The following CTNNA2 variants were observed in gnomAD, a reference collection of about 807,000 sequenced individuals.
CTNNA2 encodes catenin alpha 2.
Under a neutral mutation model 101.0 loss-of-function variants are expected in CTNNA2, and 42 were observed. The ratio of observed to expected loss-of-function variants is 0.42; its 90% CI spans 0.32 to 0.54. The LOEUF is 0.54. CTNNA2 is among the 20% of genes least tolerant of loss of function. CTNNA2 has a pLI of 0.14. For synonymous variants in CTNNA2, 450 were observed against 456.4 expected (o/e 0.99, Z 0.18); for missense variants, 871 against 1,223.1 (o/e 0.71, Z 4.29).
chr2:80,150,054 A>G (rs1246636184), intron 7 of CTNNA2, among the ~76,000 whole-genome samples: 1 of 152,094 alleles, frequency 6.6e-6, no homozygotes, highest in Non-Finnish European at 1.5e-5. Flanking sequence ...CCCTCTGCAC[A>G]TCTTCTCAGG....
intron 7 of CTNNA2, among the ~76,000 whole-genome samples, chr2:80,136,656 G>A (rs2148902670): frequency 6.6e-6 from 1 of 152,102 alleles, no homozygotes; most frequent in South Asian, 2.1e-4. Context: ...CCTTTCTTTG[G>A]TGACTTTCTT....
At chr2:80,213,718 T>A (rs1708060028) in intron 7 of CTNNA2, among the ~76,000 whole-genome samples, 1 of 152,210 alleles carries the variant, frequency 6.6e-6, no homozygotes, top group Non-Finnish European at 1.5e-5. Context: ...GTTCTATAGA[T>A]GTCTATTAGG....
At chr2:80,540,267 A>C (rs574612117) in intron 9 of CTNNA2, among the ~76,000 whole-genome samples, 2 of 152,276 alleles carry the variant, frequency 1.3e-5, no homozygotes, top group Non-Finnish European at 2.9e-5. Context: ...TGATGTTGTA[A>C]CAGATATCTA....
At chr2:79,383,664 C>T (rs1379600580) in intron 4 of CTNNA2, among the ~76,000 whole-genome samples, 1 of 152,132 alleles carries the variant, frequency 6.6e-6, no homozygotes, top group Non-Finnish European at 1.5e-5. Flanking sequence ...ATGCCGAGCC[C>T]TAGGTGGTTT....
At chr2:80,524,217 T>C (rs1285750650) in intron 9 of CTNNA2, among the ~76,000 whole-genome samples, 2 of 152,172 alleles carry the variant, frequency 1.3e-5, no homozygotes, top group African/African-American at 4.8e-5. Flanking sequence ...AGGGGAGATG[T>C]ACTTCACCTC....
In CTNNA2 at chr2:79,368,491, G is replaced by A. The variant is rs530015956; in HGVS notation, c.-317-5340G>A. ...CCATGTAGCTACTCCATAGCTGGAC[G>A]TTGTGCGGATTTCCTCTTTTTCAAT... On this transcript the variant is annotated intron_variant, in intron 3 of 21. Coordinates refer to the CTNNA2 transcript ENST00000466387. Among the ~76,000 whole-genome samples, 7 of 152,310 alleles carry A rather than the reference G, an allele frequency of 4.6e-5. No homozygotes were observed. The South Asian group carries it at 8.3e-4, about 18-fold the overall frequency.
intron 7 of CTNNA2, among the ~76,000 whole-genome samples, chr2:80,131,525 G>A (rs1354116352): frequency 2.0e-5 from 3 of 152,128 alleles, no homozygotes; most frequent in Admixed American, 6.5e-5. Context: ...TGTTCTTAGA[G>A]GGGATTTTTA....
rs186132449 is a variant in CTNNA2, at chr2:79,349,945, G to A, written c.-317-23886G>A. 2.3e-3 allele frequency among the ~76,000 whole-genome samples: 348 copies of A among 151,830 alleles called. 4 individuals carry two copies. The East Asian group carries it at 0.029, about 13-fold the overall frequency. On this transcript the variant is annotated intron_variant, in intron 3 of 21. Coordinates refer to the CTNNA2 transcript ENST00000466387. ...AAAAATTAGCCAGGCGTGGTGGCGG[G>A]CGCCTGTAGTCCTAGCTACTCAGGA...
chr2:79,978,206 G>T (rs2104598165), intron 7 of CTNNA2, among the ~76,000 whole-genome samples: 1 of 152,172 alleles, frequency 6.6e-6, no homozygotes, highest in African/African-American at 2.4e-5. Flanking sequence ...AAGACATTCG[G>T]GCCATACATT....
At chr2:79,223,499 A>G (rs1054755464) in intron 2 of CTNNA2, among the ~76,000 whole-genome samples, 1 of 152,132 alleles carries the variant, frequency 6.6e-6, no homozygotes, top group Non-Finnish European at 1.5e-5. Context: ...ATGTTTTCCC[A>G]GTTAGACGAA....
chr2:79,289,277 C>T (rs981913566), intron 2 of CTNNA2, among the ~76,000 whole-genome samples: 1 of 151,964 alleles, frequency 6.6e-6, no homozygotes, highest in Non-Finnish European at 1.5e-5. Flanking sequence ...AGTTTTTTTT[C>T]TTTGGGGGTT....
chr2:79,582,226 T>A (rs1026097814), intron 1 of CTNNA2, among the ~76,000 whole-genome samples: 1 of 152,254 alleles, frequency 6.6e-6, no homozygotes, highest in African/African-American at 2.4e-5. Context: ...TATGTTAACA[T>A]GTAAAACCTT....
At chr2:79,620,327 AT>A (rs1435526822) in intron 1 of CTNNA2, among the ~76,000 whole-genome samples, 3 of 151,972 alleles carry the variant, frequency 2.0e-5, no homozygotes, top group Non-Finnish European at 2.9e-5. Context: ...CTGCTTCTAT[AT>A]TTTTTTAGTG....
chr2:79,707,322 A>G lies in CTNNA2; in HGVS notation c.103-37065A>G, dbSNP rs1033903072. On this transcript the variant is annotated intron_variant, in intron 2 of 18. Transcript: ENST00000402739. Reference sequence around the variant, plus strand: ...TGAGAGGCCATAATCCATATTGTATATGGGTAATATACACAGTGTAATTAC... The same window carrying G: ...TGAGAGGCCATAATCCATATTGTATGTGGGTAATATACACAGTGTAATTAC... Among the ~76,000 whole-genome samples, 14 of 152,340 alleles carry G rather than the reference A, an allele frequency of 9.2e-5. No homozygotes were observed. In the East Asian group the frequency reaches 9.7e-4, roughly 11 times the overall value.
chr2:80,208,784 C>T (rs1013993240), intron 7 of CTNNA2, among the ~76,000 whole-genome samples: 1 of 152,138 alleles, frequency 6.6e-6, no homozygotes, highest in Non-Finnish European at 1.5e-5. Context: ...ATGAATCATC[C>T]GTTGTGTTAA....
intron 9 of CTNNA2, among the ~76,000 whole-genome samples, chr2:80,469,209 T>C (rs1685094686): frequency 6.6e-6 from 1 of 152,184 alleles, no homozygotes; most frequent in Non-Finnish European, 1.5e-5. Context: ...TGCTAACATC[T>C]TGAGACTGCA....
At chr2:79,297,787 TTAACTC>T in intron 2 of CTNNA2, among the ~76,000 whole-genome samples, 1 of 152,210 alleles carries the variant, frequency 6.6e-6, no homozygotes, top group Non-Finnish European at 1.5e-5. Flanking sequence ...TCAAACTGCT[TTAACTC>T]TAATCACTCT....
chr2:79,187,254 TCTTTTCTTTTC>T (rs1558567358), intron 1 of CTNNA2, among the ~76,000 whole-genome samples: 5 of 110,092 alleles, frequency 4.5e-5, no homozygotes, highest in Non-Finnish European at 8.2e-5. Flanking sequence ...TCTTTTCTTT[TCTTTTCTTTTC>T]TTTTCTTTTT....
chr2:80,516,045 A>C (rs986693547), intron 9 of CTNNA2, among the ~76,000 whole-genome samples: 12 of 152,094 alleles, frequency 7.9e-5, no homozygotes, highest in African/African-American at 1.4e-4. Context: ...TGTATAGATG[A>C]CCTCCTTCTC....
Sources: allele counts gnomAD v4.1 joint callset (sites outside exome capture counted in the v4.1 genomes callset), GRCh38; gene constraint gnomAD v4.1.1; transcripts MANE v1.5; gene names NCBI Gene and HGNC (gene_info 2026-07-23, HGNC 2026-07-21).